CYFIP1: variants seen among roughly 807,000 people sequenced by gnomAD.
The protein encoded by CYFIP1 is cytoplasmic FMR1-interacting protein 1.
In CYFIP1, 58 loss-of-function variants were observed where a neutral mutation model predicts 163.5. That is an observed-to-expected ratio of 0.35 (90% CI 0.29 to 0.44). CYFIP1 has a LOEUF of 0.44. CYFIP1 is among the 20% of genes least tolerant of loss of function. CYFIP1 has a pLI of 1.00. For synonymous variants in CYFIP1, 663 were observed against 660.7 expected, an observed-to-expected ratio of 1.00 and a Z score of -0.05; for missense variants, 1,338 against 1,653.8, an observed-to-expected ratio of 0.81 and a Z score of 3.31.
intron 1 of CYFIP1, among the ~76,000 whole-genome samples, chr15:22,968,973 C>A (rs1278468847): frequency 6.6e-6 from 1 of 152,154 alleles, no homozygotes; most frequent in Non-Finnish European, 1.5e-5. Context: ...AGCACATCTC[C>A]TTCTGTGAGT....
chr15:22,979,954 A>G lies in CYFIP1; in HGVS notation c.-7+333T>C, dbSNP rs1000912040. Among the ~76,000 whole-genome samples the G allele has an allele frequency of 9.2e-5, 14 of 152,138 alleles. 1 individual carries two copies. The highest frequency in any genetic ancestry group is 3.9e-4 in the East Asian group (2 of 5,192). On this transcript the variant is annotated intron_variant, in intron 1 of 30. Transcript: ENST00000617928. Reference sequence around the variant, plus strand: ...AGCTGTGCCATGTGCCGGGGCGCGGAATCCGGGATCCGGGGGCGCGAGGCG... The same window carrying G: ...AGCTGTGCCATGTGCCGGGGCGCGGGATCCGGGATCCGGGGGCGCGAGGCG...
intron 13 of CYFIP1, among the ~76,000 whole-genome samples, chr15:22,919,432 G>T (rs1021052339): frequency 6.6e-6 from 1 of 152,160 alleles, no homozygotes; most frequent in Admixed American, 6.5e-5. Context: ...AACAATTGAA[G>T]GTCACAAACC....
rs1344649231 is a variant in CYFIP1 at position 22,918,848 on chromosome 15, A to G, written c.1370T>C (p.Met457Thr). ...EKFALVEVIA[M>T]IKGLQVLMGR... is the part of the protein sequence containing the mutation. The stretch of plus-strand genomic sequence containing the variant: ...CATCAGCACCTGCAGGCCTTTGATC[A>G]TGGCGATCACCTGCGGGGGACACAG... The change falls in exon 14 of 31, where the codon ATG becomes ACG. Residue 457 changes from methionine to threonine, a missense_variant. This residue lies in a region of CYFIP1 where 824 missense variants were observed against 995.7 expected (regional missense o/e 0.83). Transcript: ENST00000617928. 6.2e-7 allele frequency: 1 copy of G among 1,603,138 alleles called. No individual in the cohort carries two copies. Among genetic ancestry groups the G allele is most frequent in the Non-Finnish European group, 8.5e-7 (1 of 1,175,586 alleles).
At position 22,952,988 on chromosome 15, in the gene CYFIP1, T is replaced by C. The variant is rs573419933; in HGVS notation, c.-6-5697A>G. Among the ~76,000 whole-genome samples, 8 of 152,346 alleles carry C rather than the reference T, an allele frequency of 5.3e-5. No homozygotes were observed. The East Asian group carries it at 1.5e-3, about 29-fold the overall frequency. On this transcript the variant is annotated intron_variant, in intron 1 of 30. Coordinates refer to ENST00000617928, the MANE Select transcript of CYFIP1 (RefSeq NM_014608.6). ...TCATATTTCAGGTTTTTCATGATCA[T>C]AGGCAGCCCTCCCACATCCGCCTTG... is the stretch of plus-strand genomic sequence containing the variant.
At chr15:22,968,640 C>T (rs1022494971) in intron 1 of CYFIP1, among the ~76,000 whole-genome samples, 1 of 152,198 alleles carries the variant, frequency 6.6e-6, no homozygotes, top group African/African-American at 2.4e-5. Flanking sequence ...CCTGTCATCA[C>T]GACAAACAAG....
At chr15:22,887,964 T>C (rs1215011584) in intron 23 of CYFIP1, among the ~76,000 whole-genome samples, 3 of 152,140 alleles carry the variant, frequency 2.0e-5, no homozygotes, top group African/African-American at 4.8e-5. Context: ...ACTTGGGTGC[T>C]CTAACTTTCA....
At chr15:22,964,434 C>T (rs928333118) in intron 1 of CYFIP1, among the ~76,000 whole-genome samples, 1 of 150,764 alleles carries the variant, frequency 6.6e-6, no homozygotes, top group Non-Finnish European at 1.5e-5. Flanking sequence ...GCAGACTCCG[C>T]AGCCTGGAAG....
At position 22,867,903 on chromosome 15, in the gene CYFIP1, TA is replaced by T. The variant is rs1300228914; in HGVS notation, c.*2124del. The T allele has an allele frequency of 6.6e-6, 1 of 152,194 alleles. No individual in the cohort carries two copies. Among genetic ancestry groups the T allele is most frequent in the Non-Finnish European group, 1.5e-5 (1 of 68,024 alleles). 9.4% of individuals were successfully genotyped at this position (152,194 alleles called of 1,614,324 possible). On this transcript the variant is annotated 3_prime_UTR_variant, in exon 31 of 31. Transcript: ENST00000617928. ...GCAAACATATGCAGAAAAGGTAGAA[TA>T]ATAAAAAAGGTCTAATGAACTCCAT...
intron 7 of CYFIP1, 45 bp from the exon 8 acceptor site, chr15:22,939,365 C>T (rs536816081): frequency 5.6e-6 from 9 of 1,614,036 alleles, no homozygotes; most frequent in South Asian, 2.2e-5. Context: ...CGGCGCCCGG[C>T]CGGCTGCTTG....
chr15:22,957,580 G>A (rs1407850856), intron 1 of CYFIP1, among the ~76,000 whole-genome samples: 1 of 152,172 alleles, frequency 6.6e-6, no homozygotes, highest in African/African-American at 2.4e-5. Flanking sequence ...AGCTTGCAGT[G>A]AGCCGAGATC....
intron 22 of CYFIP1, among the ~76,000 whole-genome samples, chr15:22,899,168 G>GT (rs948654932): frequency 2.6e-5 from 4 of 152,090 alleles, no homozygotes; most frequent in East Asian, 1.9e-4. Flanking sequence ...TACTTTCTGT[G>GT]TTTTTTTGGA....
intron 1 of CYFIP1, among the ~76,000 whole-genome samples, chr15:22,967,991 C>T (rs2062968661): frequency 6.6e-6 from 1 of 151,966 alleles, no homozygotes; most frequent in Admixed American, 6.6e-5. Context: ...CAAAAATTAG[C>T]CAGGCGTGGT....
At chr15:22,870,509 A>C (rs1471473692) in intron 30 of CYFIP1, among the ~76,000 whole-genome samples, 4 of 152,064 alleles carry the variant, frequency 2.6e-5, no homozygotes, top group Admixed American at 6.5e-5. Context: ...ACAAGGTCTT[A>C]TTATGCTGTC....
intron 20 of CYFIP1, 97 bp from the exon 21 acceptor site, chr15:22,909,410 CAAT>C: frequency 6.7e-6 from 10 of 1,494,934 alleles, no homozygotes; most frequent in Non-Finnish European, 9.2e-6. Flanking sequence ...GCTGGTCTGT[CAAT>C]AACGACACCC....
At chr15:22,932,197 G>C in intron 11 of CYFIP1, 26 bp downstream of exon 11, 2 of 1,569,604 alleles carry the variant, frequency 1.3e-6, no homozygotes, top group Non-Finnish European at 1.7e-6. Flanking sequence ...TCGGGTGCCT[G>C]TGCAGCTCCA....
chr15:22,909,583 C>G (rs2060711668), intron 20 of CYFIP1, among the ~76,000 whole-genome samples: 1 of 152,122 alleles, frequency 6.6e-6, no homozygotes, highest in Non-Finnish European at 1.5e-5. Context: ...AAAAATATGA[C>G]AAAGCCCTGG....
chr15:22,965,418 C>T (rs1207009981), intron 1 of CYFIP1, among the ~76,000 whole-genome samples: 1 of 152,208 alleles, frequency 6.6e-6, no homozygotes, highest in East Asian at 1.9e-4. Context: ...GAGATGGTGT[C>T]ACTGTACCAT....
At chr15:22,925,155 C>T (rs573253197) in intron 13 of CYFIP1, among the ~76,000 whole-genome samples, 1 of 102,522 alleles carries the variant, frequency 9.8e-6, no homozygotes, top group Admixed American at 8.9e-5. Flanking sequence ...TGTCAATTCT[C>T]CTGTCATGAT....
intron 22 of CYFIP1, among the ~76,000 whole-genome samples, chr15:22,900,774 C>G (rs2068759): frequency 6.6e-6 from 1 of 152,090 alleles, no homozygotes; most frequent in Non-Finnish European, 1.5e-5. Context: ...CAGGCAGCTC[C>G]CACTGCCCAA....
Sources: allele counts gnomAD v4.1 joint callset (sites outside exome capture counted in the v4.1 genomes callset), GRCh38; gene constraint gnomAD v4.1.1; regional missense constraint gnomAD v4.1.1; transcripts MANE v1.5; gene names NCBI Gene and HGNC (gene_info 2026-07-23, HGNC 2026-07-21).